Variants in AMPH observed in about 807,000 individuals in gnomAD.
AMPH encodes the protein amphiphysin (Stiff-Mann syndrome with breast cancer 128kD autoantigen).
In AMPH, 49 loss-of-function variants were observed where a neutral mutation model predicts 99.1. The observed-to-expected ratio is 0.49, with a 90% confidence interval of 0.39 to 0.63. The LOEUF is 0.63. Among genes scored for constraint, AMPH ranks in the 20% least tolerant of loss-of-function variants. The pLI is 0.00. For missense variants in AMPH, 759 were observed against 863.4 expected (o/e 0.88, Z 1.52); for synonymous variants, 314 against 317.3 (o/e 0.99, Z 0.11).
intron 1 of AMPH, among the ~76,000 whole-genome samples, chr7:38,540,838 G>T (rs1035798995): frequency 4.6e-5 from 7 of 151,350 alleles, no homozygotes; most frequent in Non-Finnish European, 1.0e-4. Context: ...TGGCAGGGTT[G>T]GCCACCAAGA....
chr7:38,581,497 C>T (rs1792460565), intron 1 of AMPH, among the ~76,000 whole-genome samples: 1 of 152,086 alleles, frequency 6.6e-6, no homozygotes, highest in East Asian at 1.9e-4. Flanking sequence ...GGGATCAGGT[C>T]AGATGGGGTT....
intron 2 of AMPH, among the ~76,000 whole-genome samples, chr7:38,517,826 G>A (rs529278225): frequency 2.1e-4 from 32 of 152,308 alleles, no homozygotes; most frequent in South Asian, 4.2e-4. Context: ...GTATAGCCAC[G>A]TGATCCTTTG....
chr7:38,478,577 A>G (rs1183826792), intron 5 of AMPH, among the ~76,000 whole-genome samples: 1 of 152,134 alleles, frequency 6.6e-6, no homozygotes, highest in Non-Finnish European at 1.5e-5. Flanking sequence ...ATACACAAAA[A>G]CAAAAAAACA....
intron 17 of AMPH, among the ~76,000 whole-genome samples, chr7:38,417,562 C>G (rs149870533): frequency 6.6e-6 from 1 of 152,226 alleles, no homozygotes; most frequent in Non-Finnish European, 1.5e-5. Context: ...TCTGATTACT[C>G]GCAAGTTCTA....
At chr7:38,627,412 G>A (rs1214725179) in intron 1 of AMPH, among the ~76,000 whole-genome samples, 1 of 97,944 alleles carries the variant, frequency 1.0e-5, no homozygotes, top group East Asian at 2.2e-4. Context: ...TTAGCCGGAC[G>A]TGGTGGCAGG....
In AMPH at chr7:38,501,122, A is replaced by G. The variant is rs570499373; in HGVS notation, c.205+2528T>C. 6.8e-4 allele frequency among the ~76,000 whole-genome samples: 104 copies of G among 152,310 alleles called. 1 individual carries two copies. Among genetic ancestry groups the G allele is most frequent in the African/African-American group, 2.3e-3 (97 of 41,560 alleles). On this transcript the variant is annotated intron_variant, in intron 3 of 20. Coordinates refer to ENST00000356264, the MANE Select transcript of AMPH (RefSeq NM_001635.4). ...GGAGAAACACAGAACGAAATATGCA[A>G]TCTGGCCCTGTTGTTTCCTTGGCAT...
At chr7:38,598,361 G>A (rs1279690366) in intron 1 of AMPH, among the ~76,000 whole-genome samples, 2 of 152,090 alleles carry the variant, frequency 1.3e-5, no homozygotes, top group Admixed American at 1.3e-4. Context: ...TCAGCGCAGT[G>A]GCATGATCTC....
chr7:38,580,595 GCCTGTGATATTCAC>G (rs1024279272), intron 1 of AMPH, among the ~76,000 whole-genome samples: 6 of 152,028 alleles, frequency 3.9e-5, no homozygotes, highest in African/African-American at 1.4e-4. Context: ...ACTTTCCTCA[GCCTGTGATATTCAC>G]CCTCCATATC....
At chr7:38,407,082 G>C (rs1410963406) in intron 17 of AMPH, among the ~76,000 whole-genome samples, 1 of 28,316 alleles carries the variant, frequency 3.5e-5, no homozygotes, top group Admixed American at 5.7e-4. Context: ...ATATATGTGT[G>C]TGTGTGTGTG....
intron 1 of AMPH, among the ~76,000 whole-genome samples, chr7:38,544,867 A>T (rs1186009446): frequency 6.6e-6 from 1 of 152,188 alleles, no homozygotes; most frequent in Non-Finnish European, 1.5e-5. Context: ...GCAATATCAA[A>T]GGTCTGACAG....
chr7:38,447,025 T>TGTTG (rs1473910006), intron 11 of AMPH, among the ~76,000 whole-genome samples: 1 of 150,344 alleles, frequency 6.7e-6, no homozygotes, highest in South Asian at 2.2e-4. Context: ...TATTTTTTTT[T>TGTTG]TTTGTTTGTT....
intron 1 of AMPH, among the ~76,000 whole-genome samples, chr7:38,612,155 C>A (rs1361207958): frequency 2.2e-5 from 3 of 136,286 alleles, no homozygotes; most frequent in African/African-American, 8.2e-5. Flanking sequence ...TGGCTCACTA[C>A]AACCTCCACC....
intron 2 of AMPH, among the ~76,000 whole-genome samples, chr7:38,514,302 T>C (rs1474080288): frequency 1.3e-5 from 2 of 152,196 alleles, no homozygotes; most frequent in African/African-American, 4.8e-5. Context: ...CTGCTATTGT[T>C]TTAAATGGGC....
intron 5 of AMPH, among the ~76,000 whole-genome samples, chr7:38,481,845 A>C (rs1788295155): frequency 6.6e-6 from 1 of 152,166 alleles, no homozygotes; most frequent in Non-Finnish European, 1.5e-5. Flanking sequence ...AAAATACTCC[A>C]CCGAGTATTC....
intron 2 of AMPH, among the ~76,000 whole-genome samples, chr7:38,514,581 A>G (rs1789665217): frequency 6.6e-6 from 1 of 152,192 alleles, no homozygotes; most frequent in Non-Finnish European, 1.5e-5. Context: ...CTTCACCTTC[A>G]TGAATGGATT....
intron 1 of AMPH, among the ~76,000 whole-genome samples, chr7:38,585,453 G>A (rs924120791): frequency 6.6e-6 from 1 of 152,206 alleles, no homozygotes; most frequent in African/African-American, 2.4e-5. Context: ...CTTTTGCAAA[G>A]TAAGAAGATG....
chr7:38,575,254 AT>A (rs1183545138), intron 1 of AMPH, among the ~76,000 whole-genome samples: 1 of 152,212 alleles, frequency 6.6e-6, no homozygotes, highest in South Asian at 2.1e-4. Flanking sequence ...TAACAGTTTA[AT>A]TTTTTTAACC....
chr7:38,410,330 C>A (rs1459424761), intron 17 of AMPH, among the ~76,000 whole-genome samples: 1 of 152,184 alleles, frequency 6.6e-6, no homozygotes, highest in East Asian at 1.9e-4. Context: ...CCCTGTCAAG[C>A]ACGACATATA....
chr7:38,514,001 A>G (rs1030338150), intron 2 of AMPH, among the ~76,000 whole-genome samples: 3 of 152,184 alleles, frequency 2.0e-5, no homozygotes, highest in African/African-American at 7.2e-5. Context: ...CAAAAGGCAA[A>G]ACTTGAAAAT....
Sources: allele counts gnomAD v4.1 joint callset (sites outside exome capture counted in the v4.1 genomes callset), GRCh38; gene constraint gnomAD v4.1.1; transcripts MANE v1.5; gene names NCBI Gene and HGNC (gene_info 2026-07-23, HGNC 2026-07-21).